The following SLC27A2 variants were observed in gnomAD, a reference collection of about 807,000 sequenced individuals.
The protein encoded by SLC27A2 is solute carrier family 27 member 2, also known as long-chain fatty acid transport protein 2.
Under a neutral mutation model 60.0 loss-of-function variants are expected in SLC27A2, and 54 were observed. The observed-to-expected ratio is 0.90, with a 90% CI of 0.72 to 1.13. The LOEUF (loss-of-function observed/expected upper bound fraction) is 1.13. SLC27A2 is among the 50% of genes most tolerant of loss of function. SLC27A2 has a pLI of 0.00. For missense variants in SLC27A2, 739 were observed against 777.6 expected, an observed-to-expected ratio of 0.95 and a Z score of 0.59; for synonymous variants, 297 against 297.6, an observed-to-expected ratio of 1.00 and a Z score of 0.02.
chr15:50,193,470 T>C (rs2044990811), intron 1 of SLC27A2, among the ~76,000 whole-genome samples: 1 of 152,160 alleles, frequency 6.6e-6, no homozygotes, highest in Non-Finnish European at 1.5e-5. Flanking sequence ...TGAGAATGGA[T>C]CCAGGTAACT....
chr15:50,229,825 T>G (rs1023643552), intron 8 of SLC27A2, among the ~76,000 whole-genome samples: 1 of 152,172 alleles, frequency 6.6e-6, no homozygotes, highest in African/African-American at 2.4e-5. Context: ...TTAGGGGTAT[T>G]ATTATTCCCC....
intron 7 of SLC27A2, among the ~76,000 whole-genome samples, 160 bp downstream of exon 7, chr15:50,227,338 A>C (rs2045285920): frequency 6.6e-6 from 1 of 152,268 alleles, no homozygotes. Flanking sequence ...AATGAAGTGC[A>C]TGAAGTGTCA....
chr15:50,216,512 T>A (rs2045196362), intron 4 of SLC27A2, among the ~76,000 whole-genome samples: 1 of 150,612 alleles, frequency 6.6e-6, no homozygotes, highest in Non-Finnish European at 1.5e-5. Flanking sequence ...CTACACGCAT[T>A]TTTATAGCAG....
intron 8 of SLC27A2, 121 bp downstream of exon 8, chr15:50,229,163 C>A: frequency 1.5e-6 from 1 of 658,906 alleles, no homozygotes; most frequent in Middle Eastern, 2.5e-4. Flanking sequence ...TTTCAGCTGC[C>A]AGGGAGTAAG....
intron 4 of SLC27A2, among the ~76,000 whole-genome samples, chr15:50,221,033 A>G (rs933533513): frequency 6.6e-5 from 10 of 152,102 alleles, no homozygotes; most frequent in African/African-American, 1.9e-4. Context: ...TGAGAACTTC[A>G]TCTCTACAAA....
intron 4 of SLC27A2, among the ~76,000 whole-genome samples, chr15:50,215,342 A>C (rs2045187325): frequency 6.6e-6 from 1 of 152,230 alleles, no homozygotes; most frequent in African/African-American, 2.4e-5. Context: ...AACATATCCC[A>C]TGCTCATGGC....
In SLC27A2 at chr15:50,188,986, G is replaced by A. The variant is rs201836446; in HGVS notation, c.478+6081G>A. Among the ~76,000 whole-genome samples, 235 of 99,500 alleles carry A rather than the reference G, an allele frequency of 2.4e-3. 2 individuals carry two copies. The highest frequency in any genetic ancestry group is 9.2e-3 in the African/African-American group (228 of 24,856). The allele number at this position is 99,500 out of a possible 152,430, so 65.3% of individuals were successfully genotyped here. A position where few individuals can be genotyped will look rare whatever the true frequency, so the allele number is the denominator to read the frequency against. Reference sequence around the variant, plus strand: ...AGGTAGATAGATAGATAGATAAATAGATAGATAGATAGATAGATAGATAGA... The same window carrying A: ...AGGTAGATAGATAGATAGATAAATAAATAGATAGATAGATAGATAGATAGA... On this transcript the variant is annotated intron_variant, in intron 1 of 9. Coordinates refer to ENST00000267842, the MANE Select transcript of SLC27A2 (RefSeq NM_003645.4).
chr15:50,197,236 G>A (rs533401510), intron 1 of SLC27A2, among the ~76,000 whole-genome samples: 1 of 152,064 alleles, frequency 6.6e-6, no homozygotes, highest in Non-Finnish European at 1.5e-5. Flanking sequence ...AGTGGCTCAT[G>A]CCTGTAATCC....
intron 4 of SLC27A2, among the ~76,000 whole-genome samples, chr15:50,220,731 C>A (rs1471338985): frequency 6.6e-6 from 1 of 152,120 alleles, no homozygotes; most frequent in Non-Finnish European, 1.5e-5. Context: ...GGCAGGGTGA[C>A]CCTACAATTC....
intron 1 of SLC27A2, among the ~76,000 whole-genome samples, chr15:50,183,263 T>C (rs998338872): frequency 1.3e-5 from 2 of 152,192 alleles, no homozygotes; most frequent in Non-Finnish European, 2.9e-5. Flanking sequence ...TCAATACTTA[T>C]AACATCTGCA....
intron 3 of SLC27A2, among the ~76,000 whole-genome samples, chr15:50,203,339 A>G (rs553974884): frequency 6.6e-6 from 1 of 150,382 alleles, no homozygotes; most frequent in South Asian, 2.1e-4. Context: ...ACAGCTTTTC[A>G]GCTCTACTAG....
At position 50,223,122 on chromosome 15, in the gene SLC27A2, A is replaced by G. The variant is rs201510127; in HGVS notation, c.1130A>G (p.Lys377Arg). 129 of 1,613,876 alleles carry G rather than the reference A, an allele frequency of 8.0e-5. 1 individual carries two copies. The highest frequency in any genetic ancestry group is 8.9e-5 in the East Asian group (4 of 44,864). The change falls in exon 5 of 10, where the codon AAA becomes AGA. Residue 377 changes from lysine to arginine, a missense_variant. Transcript: ENST00000267842. ...ATTGGATTTATGAATTATGCGAGAA[A>G]AGTTGGTGCTGTTGGAAGAGTAAAC... ...GNIGFMNYAR[K>R]VGAVGRVNYL...
chr15:50,188,051 A>G (rs935697414), intron 1 of SLC27A2, among the ~76,000 whole-genome samples: 1 of 152,096 alleles, frequency 6.6e-6, no homozygotes, highest in Non-Finnish European at 1.5e-5. Context: ...GAGAAATAAG[A>G]TGAATTAGTT....
intron 8 of SLC27A2, among the ~76,000 whole-genome samples, chr15:50,232,871 C>T (rs922931840): frequency 1.3e-5 from 2 of 152,132 alleles, no homozygotes; most frequent in African/African-American, 4.8e-5. Flanking sequence ...TATAGGTAAA[C>T]ACACAATCAC....
chr15:50,208,825 G>A (rs1035554595), intron 4 of SLC27A2, among the ~76,000 whole-genome samples: 6 of 152,168 alleles, frequency 3.9e-5, no homozygotes, highest in African/African-American at 1.4e-4. Flanking sequence ...CTTTCAAAGC[G>A]ACTGTTTGTA....
intron 1 of SLC27A2, among the ~76,000 whole-genome samples, chr15:50,196,080 ATATAT>A (rs1295677326): frequency 1.9e-3 from 15 of 7,810 alleles, no homozygotes; most frequent in African/African-American, 3.6e-3. Context: ...AAAAAAAAAT[ATATAT>A]ATATATATAT....
rs1228971951 is a variant in SLC27A2 at position 50,182,268 on chromosome 15, G to A, written c.-160G>A. 8.6e-7 allele frequency: 1 copy of A among 1,165,728 alleles called. No homozygotes were observed. Among genetic ancestry groups the A allele is most frequent in the Non-Finnish European group, 1.1e-6 (1 of 913,580 alleles). 72.2% of individuals were successfully genotyped at this position (1,165,728 alleles called of 1,614,324 possible). ...CGGAGCCCGCGGCGGTACCTGCAGC[G>A]GAGGAGCTCTGTCTTCCCCTTCATC... On this transcript the variant is annotated 5_prime_UTR_variant, in exon 1 of 10. Coordinates refer to ENST00000267842, the MANE Select transcript of SLC27A2 (RefSeq NM_003645.4).
At chr15:50,232,951 C>T (rs898536350) in intron 8 of SLC27A2, among the ~76,000 whole-genome samples, 2 of 152,206 alleles carry the variant, frequency 1.3e-5, no homozygotes, top group African/African-American at 4.8e-5. Context: ...CTGATTACAG[C>T]TGAGTAGTTT....
chr15:50,223,478 G>A (rs908288071), intron 5 of SLC27A2, among the ~76,000 whole-genome samples: 2 of 152,126 alleles, frequency 1.3e-5, no homozygotes, highest in African/African-American at 4.8e-5. Flanking sequence ...TAAGCTAATC[G>A]TACACTGTGA....
Sources: allele counts gnomAD v4.1 joint callset (sites outside exome capture counted in the v4.1 genomes callset), GRCh38; gene constraint gnomAD v4.1.1; transcripts MANE v1.5; gene names NCBI Gene and HGNC (gene_info 2026-07-23, HGNC 2026-07-21).